The following LRFN5 variants were observed in gnomAD, a reference collection of about 807,000 sequenced individuals.
LRFN5 encodes the protein leucine-rich repeat and fibronectin type-III domain-containing protein 5.
In LRFN5, 24 loss-of-function variants were observed where a neutral mutation model predicts 45.6. The ratio of observed to expected loss-of-function variants is 0.53; its 90% confidence interval spans 0.38 to 0.74. The LOEUF is 0.74. Ranked by LOEUF, LRFN5 falls within the 30% of genes least tolerant of loss-of-function variation. The probability of loss-of-function intolerance (pLI) is 0.00; values close to 1 mark genes in which losing one functional copy is unlikely to be tolerated. For missense variants in LRFN5, 776 were observed against 861.5 expected (o/e 0.90, Z 1.24); for synonymous variants, 340 against 313.8 (o/e 1.08, Z -0.88).
At chr14:41,623,668 G>A (rs1888219297) in intron 1 of LRFN5, among the ~76,000 whole-genome samples, 1 of 151,926 alleles carries the variant, frequency 6.6e-6, no homozygotes, top group African/African-American at 2.4e-5. Flanking sequence ...AAATATGTAG[G>A]CCCTACTCTC....
chr14:41,733,942 G>A (rs1884290048), intron 1 of LRFN5, among the ~76,000 whole-genome samples: 2 of 148,954 alleles, frequency 1.3e-5, no homozygotes, highest in Non-Finnish European at 3.0e-5. Flanking sequence ...TCTTTCTTCA[G>A]TTCTATTAAT....
chr14:41,895,895 C>G (rs375564552), intron 4 of LRFN5, among the ~76,000 whole-genome samples: 16 of 152,022 alleles, frequency 1.1e-4, no homozygotes, highest in East Asian at 5.8e-4. Context: ...CATACTTTCT[C>G]CACAAATTTA....
chr14:41,888,878 C>G (rs17781492), intron 3 of LRFN5, among the ~76,000 whole-genome samples: 33,336 of 151,272 alleles, frequency 0.22, 4,426 homozygotes, highest in Middle Eastern at 0.38. Context: ...ATATTTTTAC[C>G]CTTTCATATA....
intron 1 of LRFN5, among the ~76,000 whole-genome samples, chr14:41,723,024 A>G (rs901027838): frequency 6.6e-6 from 1 of 152,158 alleles, no homozygotes; most frequent in African/African-American, 2.4e-5. Context: ...AGCTCTCTGC[A>G]TAGTAGGTGG....
chr14:41,701,179 CTA>C (rs1882826722), intron 1 of LRFN5: 1 of 152,058 alleles, frequency 6.6e-6, no homozygotes, highest in Admixed American at 6.6e-5. Context: ...TATTGTAGAA[CTA>C]TGAGTCTGCT....
At chr14:41,624,973 A>AGGC (rs1289809133) in intron 1 of LRFN5, among the ~76,000 whole-genome samples, 3 of 151,864 alleles carry the variant, frequency 2.0e-5, no homozygotes, top group African/African-American at 7.3e-5. Flanking sequence ...TCCTAATCAT[A>AGGC]GGCAATCAAT....
intron 1 of LRFN5, among the ~76,000 whole-genome samples, chr14:41,610,978 A>C (rs185175223): frequency 6.6e-6 from 1 of 152,154 alleles, no homozygotes; most frequent in Non-Finnish European, 1.5e-5. Context: ...GAGAGTGCAC[A>C]AGAAAAAAGA....
chr14:41,752,725 C>A (rs1003900084), intron 1 of LRFN5, among the ~76,000 whole-genome samples: 3 of 152,162 alleles, frequency 2.0e-5, no homozygotes, highest in African/African-American at 7.2e-5. Flanking sequence ...TGCCTGTTCA[C>A]TCTGATGGTA....
intron 1 of LRFN5, among the ~76,000 whole-genome samples, chr14:41,711,293 T>C (rs890073929): frequency 6.6e-6 from 1 of 152,118 alleles, no homozygotes; most frequent in African/African-American, 2.4e-5. Context: ...TAGAGCTGTA[T>C]AAAAACTATA....
chr14:41,760,594 A>T (rs1885618796), intron 1 of LRFN5, among the ~76,000 whole-genome samples: 1 of 152,188 alleles, frequency 6.6e-6, no homozygotes, highest in Admixed American at 6.5e-5. Context: ...GTTTTTAAAA[A>T]TTTGTATGTT....
At chr14:41,739,780 G>GTTT in intron 1 of LRFN5, among the ~76,000 whole-genome samples, 1 of 151,500 alleles carries the variant, frequency 6.6e-6, no homozygotes, top group Non-Finnish European at 1.5e-5. Context: ...TAAAATTGGG[G>GTTT]TTTTTTCAAA....
chr14:41,610,755 T>A (rs1366679768), intron 1 of LRFN5, among the ~76,000 whole-genome samples: 1 of 134,650 alleles, frequency 7.4e-6, no homozygotes, highest in East Asian at 2.0e-4. Context: ...TAAAAAAGGA[T>A]TTTTTTCTTT....
intron 2 of LRFN5, among the ~76,000 whole-genome samples, chr14:41,820,884 G>A (rs1015518861): frequency 6.6e-6 from 1 of 151,942 alleles, no homozygotes. Context: ...TATTATAAAT[G>A]GAGCAGAGTT....
chr14:41,773,227 TC>T (rs1206951192), intron 2 of LRFN5, among the ~76,000 whole-genome samples: 6 of 152,272 alleles, frequency 3.9e-5, no homozygotes, highest in Admixed American at 1.3e-4. Flanking sequence ...TAATGTCACC[TC>T]CCACCATGGT....
At chr14:41,652,413 T>G (rs1298278719) in intron 1 of LRFN5, among the ~76,000 whole-genome samples, 1 of 152,160 alleles carries the variant, frequency 6.6e-6, no homozygotes, top group African/African-American at 2.4e-5. Flanking sequence ...GGCGCTGTTC[T>G]CATTACTTAA....
chr14:41,666,803 G>T (rs969319090), intron 1 of LRFN5, among the ~76,000 whole-genome samples: 1 of 152,110 alleles, frequency 6.6e-6, no homozygotes, highest in African/African-American at 2.4e-5. Flanking sequence ...AGAAAAGAGA[G>T]ATGAGAAGTG....
rs1037945534 is a variant in LRFN5, at chr14:41,759,898, C to T, written c.-196-6956C>T. On this transcript the variant is annotated intron_variant, in intron 1 of 5. Coordinates refer to ENST00000298119, the MANE Select transcript of LRFN5 (RefSeq NM_152447.5). ...TCCTGAAACTGTTCACACGTAAGTC[C>T]GCCCTAAGGCAGATGATGCGCTATT... Among the ~76,000 whole-genome samples, 8 of 152,116 alleles carry T rather than the reference C, an allele frequency of 5.3e-5. No homozygotes were observed. The South Asian group carries it at 6.2e-4, about 12-fold the overall frequency.
intron 1 of LRFN5, among the ~76,000 whole-genome samples, chr14:41,743,718 G>T (rs1390173407): frequency 6.6e-6 from 1 of 152,076 alleles, no homozygotes; most frequent in Admixed American, 6.6e-5. Flanking sequence ...TTGTTAAGGT[G>T]GTGGATATGT....
intron 2 of LRFN5, among the ~76,000 whole-genome samples, chr14:41,832,913 G>T (rs1242759491): frequency 2.0e-5 from 3 of 152,096 alleles, no homozygotes; most frequent in Non-Finnish European, 4.4e-5. Flanking sequence ...CAGAAACATT[G>T]TGGGAAGGGA....
Sources: allele counts gnomAD v4.1 joint callset (sites outside exome capture counted in the v4.1 genomes callset), GRCh38; gene constraint gnomAD v4.1.1; transcripts MANE v1.5; gene names NCBI Gene and HGNC (gene_info 2026-07-23, HGNC 2026-07-21).